The following ARHGAP45 variants were observed in gnomAD, a reference collection of about 807,000 sequenced individuals.
ARHGAP45 encodes the protein rho GTPase-activating protein 45.
A neutral mutation model predicts 116.1 loss-of-function variants in ARHGAP45; 56 were observed. The ratio of observed to expected loss-of-function variants is 0.48; its 90% CI spans 0.39 to 0.60. ARHGAP45 has a LOEUF of 0.60. Ranked by LOEUF, ARHGAP45 falls within the 20% of genes least tolerant of loss-of-function variation. The probability of loss-of-function intolerance (pLI) is 0.00; values close to 1 mark genes in which losing one functional copy is unlikely to be tolerated. For synonymous variants in ARHGAP45, 866 were observed against 701.7 expected (o/e 1.23, Z -3.70); for missense variants, 1,622 against 1,601.0 (o/e 1.01, Z -0.22).
Position 1,069,041 on chromosome 19 carries a change from CAG to C in ARHGAP45, c.421+301_421+302del, listed in dbSNP as rs2043091657. ...ATGCACAGGCTCAGAAACACGGAAACAGAGAATGCATTTGGGGGCCAAGGTGT... is the reference window on the plus strand; with the variant it reads ...ATGCACAGGCTCAGAAACACGGAAACAGAATGCATTTGGGGGCCAAGGTGT... On this transcript the variant is annotated intron_variant, in intron 2 of 22. Transcript: ENST00000313093. This position sits in a 1 kb window ranked among gnomAD's most constrained non-coding sequence, Gnocchi z 4.1. 6.6e-6 allele frequency among the ~76,000 whole-genome samples: 1 copy of C among 152,136 alleles called. No homozygotes were observed. The highest frequency in any genetic ancestry group is 2.4e-5 in the African/African-American group (1 of 41,508).
rs2145016608 is a variant in ARHGAP45, at chr19:1,071,125, T to G, written c.422-2024T>G. The G allele has an allele frequency of 1.7e-6, 2 of 1,207,930 alleles. No homozygotes were observed. The highest frequency in any genetic ancestry group is 1.1e-6 in the Non-Finnish European group (1 of 943,970). The allele number at this position is 1,207,930 out of a possible 1,614,324, so 74.8% of individuals were successfully genotyped here. The stretch of plus-strand genomic sequence containing the variant: ...CCCTCCCCACCTCGAAGCTCTGCGG[T>G]TAAGGAAGGACCCAGGCTGGGGCGA... On this transcript the variant is annotated intron_variant, in intron 2 of 22. Transcript: ENST00000313093. This position sits in a 1 kb window ranked among gnomAD's most constrained non-coding sequence, Gnocchi z 4.6.
In ARHGAP45 at chr19:1,068,495, G is replaced by C; in HGVS notation, c.172G>C (p.Ala58Pro). 6.3e-7 allele frequency: 1 copy of C among 1,595,120 alleles called. No homozygotes were observed. The highest frequency in any genetic ancestry group is 8.5e-7 in the Non-Finnish European group (1 of 1,171,828). Residue 58 changes from alanine to proline, a missense_variant, in exon 2 of 23, where the codon GCC (alanine) becomes CCC (proline). Ala to Pro is a conservative substitution (Grantham distance 27, BLOSUM62 -1). This residue lies in a region of ARHGAP45 where 279 missense variants were observed against 311.9 expected (regional missense o/e 0.89). Transcript: ENST00000313093. The surrounding 1 kb of genome is among the most constrained non-coding windows in gnomAD (Gnocchi z 7.5). Reference sequence around the variant, plus strand: ...GCCCGCTGGGTCCTCCGGCGTCAAGGCCACAGGGACCCTCAAGCGGCCCAC... The same window carrying C: ...GCCCGCTGGGTCCTCCGGCGTCAAGCCCACAGGGACCCTCAAGCGGCCCAC... The part of the protein sequence containing the change: ...EPPAGSSGVK[A>P]TGTLKRPTSL...
In ARHGAP45 at chr19:1,083,065, A is replaced by C; in HGVS notation, c.2743A>C (p.Arg915=). 6.4e-7 allele frequency: 1 copy of C among 1,551,564 alleles called. No homozygotes were observed. Among genetic ancestry groups the C allele is most frequent in the Non-Finnish European group, 8.7e-7 (1 of 1,152,836 alleles). The part of the protein sequence containing the change: ...SLQYLLRHLR[R]IVEVEQDNKM... The stretch of plus-strand genomic sequence containing the variant: ...GCAGTACCTGCTGCGTCACCTACGC[A>C]GGTGAGTCCCGGCATATGGAGTGGA... Residue 915 remains arginine (R), a splice_region_variant and synonymous_variant, in exon 20 of 23, where the codon AGG becomes CGG. Coordinates refer to ENST00000313093, the MANE Select transcript of ARHGAP45 (RefSeq NM_012292.5).
chr19:1,077,793 TG>T (rs947003604), intron 10 of ARHGAP45, 63 bp from the exon 11 acceptor site: 44 of 1,549,694 alleles, frequency 2.8e-5, no homozygotes, highest in Admixed American at 2.6e-4. Context: ...AAGGAGGAGC[TG>T]GGGAGACTGA....
chr19:1,067,922 G>A (rs889765768), intron 1 of ARHGAP45, among the ~76,000 whole-genome samples: 4 of 145,128 alleles, frequency 2.8e-5, no homozygotes, highest in African/African-American at 1.0e-4. Context: ...AGAGGTTGGG[G>A]AGTGTCCCCA....
rs961445186 is a variant in ARHGAP45, at chr19:1,081,895, G to T, written c.2451G>T (p.Glu817Asp). Residue 817 changes from glutamate to aspartate, a missense_variant, in exon 19 of 23, where the codon GAG becomes GAT. Glu to Asp is a conservative substitution (Grantham distance 45). Around this residue, in one of 3 missense-constraint regions of ARHGAP45, gnomAD observed 1,334 missense variants for 1,263.8 expected, o/e 1.06. Transcript: ENST00000313093. The stretch of plus-strand genomic sequence containing the variant: ...GCCAGGCCTTCGAGAACGGCAAGGA[G>T]CTGGTCGAGCTGTCGCAGGCCTCGC... ...KLCQAFENGKELVELSQASPH... is the reference protein window; with the variant it reads ...KLCQAFENGKDLVELSQASPH... The T allele has an allele frequency of 2.5e-6, 4 of 1,613,062 alleles. No individual in the cohort carries two copies. The highest frequency in any genetic ancestry group is 3.4e-6 in the Non-Finnish European group (4 of 1,179,920).
rs1189926718 is a variant in ARHGAP45, at chr19:1,085,854, G to A, written c.3259G>A (p.Asp1087Asn). 4 of 1,612,790 alleles carry A rather than the reference G, an allele frequency of 2.5e-6. No homozygotes were observed. The highest frequency in any genetic ancestry group is 1.3e-5 in the African/African-American group (1 of 74,914). The part of the protein sequence containing the change: ...QLEATAREDG[D>N]GDEDGPAQQL... ...GGAGGCCACAGCCCGGGAGGACGGG[G>A]ACGGGGACGAGGACGGCCCGGCCCA... The change falls in exon 23 of 23, where the codon GAC becomes AAC. Residue 1087 changes from aspartate to asparagine, a missense_variant. Around this residue, in one of 3 missense-constraint regions of ARHGAP45, gnomAD observed 1,334 missense variants for 1,263.8 expected, o/e 1.06. Coordinates refer to ENST00000313093, the MANE Select transcript of ARHGAP45 (RefSeq NM_012292.5).
At chr19:1,070,352 A>AT (rs1400156392) in intron 2 of ARHGAP45, among the ~76,000 whole-genome samples, 1 of 94,530 alleles carries the variant, frequency 1.1e-5, no homozygotes, top group Non-Finnish European at 2.0e-5. Context: ...TTTTTTTGAG[A>AT]CAGAGTCTCA....
rs1371772648 is a variant in ARHGAP45, at chr19:1,081,668, C to T, written c.2309C>T (p.Ala770Val). Residue 770 changes from alanine (A) to valine (V), a missense_variant, in exon 18 of 23, where the codon GCC (alanine) becomes GTC (valine). Transcript: ENST00000313093. The stretch of plus-strand genomic sequence containing the variant: ...GACTTCAGCCACGCGGCCCGCAGCG[C>T]CCCCGACGGCGTGCCCTTCATCGTC... The part of the protein sequence containing the change: ...GQDFSHAARS[A>V]PDGVPFIVKK... The T allele has an allele frequency of 5.1e-6, 8 of 1,583,812 alleles. No homozygotes were observed. Among genetic ancestry groups the T allele is most frequent in the Non-Finnish European group, 6.9e-6 (8 of 1,165,724 alleles).
Position 1,067,440 on chromosome 19 carries a change from C to T in ARHGAP45, c.35C>T (p.Thr12Ile). The T allele has an allele frequency of 6.2e-7, 1 of 1,602,602 alleles. No individual in the cohort carries two copies. Among genetic ancestry groups the T allele is most frequent in the Non-Finnish European group, 8.5e-7 (1 of 1,174,946 alleles). ...FSRKKRELMK[T>I]PSISKKNRAG... ...AGGAAGAAACGAGAGCTCATGAAAACCCCTTCCATCTCGAAAAAGAACCGC... is the reference window on the plus strand; with the variant it reads ...AGGAAGAAACGAGAGCTCATGAAAATCCCTTCCATCTCGAAAAAGAACCGC... Residue 12 changes from threonine (T) to isoleucine (I), a missense_variant, in exon 1 of 23, where the codon ACC becomes ATC. By Grantham distance (89) the Thr-to-Ile change is moderately conservative. This residue lies in a region of ARHGAP45 where 279 missense variants were observed against 311.9 expected (regional missense o/e 0.89). Transcript: ENST00000313093.
At chr19:1,074,949 GC>G (rs2043212317) in intron 10 of ARHGAP45, 70 bp downstream of exon 10, 1 of 1,330,460 alleles carries the variant, frequency 7.5e-7, no homozygotes, top group East Asian at 2.9e-5. Context: ...CCCAGCCCCA[GC>G]CCCATAGCGA....
chr19:1,078,336 G>A (rs1367033965), intron 11 of ARHGAP45, among the ~76,000 whole-genome samples: 3 of 151,944 alleles, frequency 2.0e-5, no homozygotes, highest in South Asian at 2.1e-4. Context: ...GTAGAGACGG[G>A]GTTTCACTGT....
Position 1,081,859 on chromosome 19 carries a change from G to A in ARHGAP45, c.2415G>A (p.Val805=), listed in dbSNP as rs115889781. Residue 805 remains valine (V), a synonymous_variant, in exon 19 of 23, where the codon GTG becomes GTA. Transcript: ENST00000313093. ...IYRVNGVKTR[V]EKLCQAFENG... is the part of the protein sequence containing the mutation. ...GGGTCAATGGGGTAAAGACACGCGT[G>A]GAGAAGCTGTGCCAGGCCTTCGAGA... The A allele has an allele frequency of 8.7e-4, 1,404 of 1,612,720 alleles. 14 individuals carry two copies. In the African/African-American group the frequency reaches 0.017, roughly 20 times the overall value.
chr19:1,067,157 C>A (rs2043049020), upstream of ARHGAP45: 1 of 1,222,304 alleles, frequency 8.2e-7, no homozygotes, highest in Non-Finnish European at 1.0e-6. Context: ...GCGACCTCAC[C>A]TTCGCGCCCA....
At chr19:1,066,212 T>C, upstream of ARHGAP45, 2 of 1,413,538 alleles carry the variant, frequency 1.4e-6, no homozygotes, top group Non-Finnish European at 1.9e-6. Flanking sequence ...GGTTTTGGGA[T>C]TGGGGGTGGG....
At position 1,085,528 on chromosome 19, in the gene ARHGAP45, C is replaced by CTT. The variant is rs1568489520; in HGVS notation, c.3065-132_3065-131insTT. On this transcript the variant is annotated intron_variant, in intron 22 of 22. Coordinates refer to ENST00000313093, the MANE Select transcript of ARHGAP45 (RefSeq NM_012292.5). ...TCTCTCCTCCATCTCTCCTGTCTCT[C>CTT]CCCATCTCTCCTGTCTCTCCATCTC... 4.6e-6 allele frequency: 3 copies of CTT among 646,810 alleles called. No homozygotes were observed. The Admixed American group carries it at 9.0e-5, about 19-fold the overall frequency. The allele number at this position is 646,810 out of a possible 1,614,324, so 40.1% of individuals were successfully genotyped here.
chr19:1,085,801 G>T lies in ARHGAP45; in HGVS notation c.3206G>T (p.Gly1069Val). 1 of 1,612,746 alleles carries T rather than the reference G, an allele frequency of 6.2e-7. No homozygotes were observed. Among genetic ancestry groups the T allele is most frequent in the Non-Finnish European group, 8.5e-7 (1 of 1,179,910 alleles). The change falls in exon 23 of 23, where the codon GGC becomes GTC. Residue 1069 changes from glycine (G) to valine (V), a missense_variant. By Grantham distance (109) the Gly-to-Val change is moderately radical (BLOSUM62 -3). This residue lies in a region of ARHGAP45 where 1,334 missense variants were observed against 1,263.8 expected (regional missense o/e 1.06). Coordinates refer to ENST00000313093, the MANE Select transcript of ARHGAP45 (RefSeq NM_012292.5). ...GAGGCCAGCCTAGAGGTGGCTTCTG[G>T]CAGCCACAGCGGCAGTGAGGAGCAG... ...QSEASLEVAS[G>V]SHSGSEEQLE...
chr19:1,086,043 T>G lies in ARHGAP45; in HGVS notation c.*37T>G. 6.4e-7 allele frequency: 1 copy of G among 1,554,018 alleles called. No individual in the cohort carries two copies. Among genetic ancestry groups the G allele is most frequent in the Non-Finnish European group, 8.8e-7 (1 of 1,133,732 alleles). On this transcript the variant is annotated 3_prime_UTR_variant, in exon 23 of 23. Transcript: ENST00000313093. ...GCTGGGACCACAGGTGGCTTCTCTC[T>G]TGCCTGCTCCTGTCCCTCCAGCACG...
At chr19:1,085,595 CCTCCCCTT>C in intron 22 of ARHGAP45, 57 bp from the exon 23 acceptor site, 1 of 1,232,920 alleles carries the variant, frequency 8.1e-7, no homozygotes, top group African/African-American at 1.5e-5. Flanking sequence ...CCTGTCTGTC[CCTCCCCTT>C]GTCTCTCCTC....
Sources: allele counts gnomAD v4.1 joint callset (sites outside exome capture counted in the v4.1 genomes callset), GRCh38; gene constraint gnomAD v4.1.1; regional missense constraint gnomAD v4.1.1; non-coding constraint Gnocchi (gnomAD v3.1); transcripts MANE v1.5; gene names NCBI Gene and HGNC (gene_info 2026-07-23, HGNC 2026-07-21).